Variants in CEP295 observed in about 807,000 individuals in gnomAD.
CEP295 encodes centrosomal protein 295.
Under a neutral mutation model 291.6 loss-of-function variants are expected in CEP295, and 190 were observed. The ratio of observed to expected loss-of-function variants is 0.65; its 90% CI spans 0.58 to 0.73. The LOEUF (loss-of-function observed/expected upper bound fraction) is 0.73, where lower values mean the gene tolerates loss of function less well. CEP295 is among the 30% of genes least tolerant of loss of function. The pLI is 0.00. For synonymous variants in CEP295, 993 were observed against 1,038.8 expected (o/e 0.96, Z 0.85); for missense variants, 2,863 against 2,949.4 (o/e 0.97, Z 0.68).
At chr11:93,703,597 T>G (rs1368930558) in intron 17 of CEP295, among the ~76,000 whole-genome samples, 1 of 151,682 alleles carries the variant, frequency 6.6e-6, no homozygotes, top group East Asian at 1.9e-4. Flanking sequence ...TCTCTTTTCC[T>G]TTGTCACTTT....
chr11:93,665,531 AC>A (rs1437440886), intron 1 of CEP295, among the ~76,000 whole-genome samples: 2 of 152,022 alleles, frequency 1.3e-5, no homozygotes, highest in African/African-American at 4.8e-5. Flanking sequence ...AACATGGTGA[AC>A]CCCTGTCTCT....
At chr11:93,704,709 T>C (rs1047281469) in intron 17 of CEP295, among the ~76,000 whole-genome samples, 1 of 152,206 alleles carries the variant, frequency 6.6e-6, no homozygotes, top group African/African-American at 2.4e-5. Context: ...TCATGAAGTC[T>C]TGGTCTCATC....
chr11:93,690,672 G>A (rs1451073364), intron 10 of CEP295, among the ~76,000 whole-genome samples: 6 of 141,392 alleles, frequency 4.2e-5, no homozygotes, highest in Non-Finnish European at 9.0e-5. Context: ...AGAGCTTGCA[G>A]TGAGCTGAGA....
chr11:93,723,277 A>G lies in CEP295; in HGVS notation c.6184A>G (p.Thr2062Ala). 1 of 1,510,006 alleles carries G rather than the reference A, an allele frequency of 6.6e-7. No individual in the cohort carries two copies. The highest frequency in any genetic ancestry group is 8.9e-7 in the Non-Finnish European group (1 of 1,121,158). 93.5% of individuals were successfully genotyped at this position (1,510,006 alleles called of 1,614,324 possible). The change falls in exon 21 of 30, where the codon ACA becomes GCA. Residue 2062 changes from threonine (T) to alanine (A), a missense_variant. Thr to Ala is a moderately conservative substitution (Grantham distance 58). This residue lies in a region of CEP295 where 2,295 missense variants were observed against 2,335.7 expected (regional missense o/e 0.98). Transcript: ENST00000325212. ...TGAAGCAAATTTGATACCTGAAAAA[A>G]CAGATTTGCAAGGTAAAATTATTTT... ...INEANLIPEK[T>A]DLQELEHIFP... is the part of the protein sequence containing the mutation.
chr11:93,729,488 G>A lies in CEP295; in HGVS notation c.7357G>A (p.Val2453Ile). The A allele has an allele frequency of 6.4e-7, 1 of 1,551,918 alleles. No homozygotes were observed. ...SATEASDYPA[V>I]SELSIEKPRT... ...AACAGAAGCCTCAGATTATCCAGCT[G>A]TATCAGAACTTTCCATAGAAAAACC... The change falls in exon 26 of 30, where the codon GTA (valine) becomes ATA (isoleucine). Residue 2453 changes from valine to isoleucine, a missense_variant. Transcript: ENST00000325212.
At chr11:93,710,987 C>T (rs1952854976) in intron 18 of CEP295, among the ~76,000 whole-genome samples, 2 of 151,270 alleles carry the variant, frequency 1.3e-5, no homozygotes, top group Admixed American at 1.3e-4. Context: ...TTATTTGGAC[C>T]TTCTTTTTTT....
intron 10 of CEP295, 79 bp from the exon 11 acceptor site, chr11:93,691,604 A>T: frequency 1.1e-6 from 1 of 887,700 alleles, no homozygotes; most frequent in South Asian, 1.5e-5. Flanking sequence ...TGAATGTGTT[A>T]ATACCAGAAT....
In CEP295 at chr11:93,696,680, A is replaced by T; in HGVS notation, c.1770-2A>T. 1 of 1,524,124 alleles carries T rather than the reference A, an allele frequency of 6.6e-7. No homozygotes were observed. The highest frequency in any genetic ancestry group is 8.8e-7 in the Non-Finnish European group (1 of 1,136,282). 94.4% of individuals were successfully genotyped at this position (1,524,124 alleles called of 1,614,324 possible). A position where few individuals can be genotyped will look rare whatever the true frequency, so the allele number is the denominator to read the frequency against. ...ATAATTGTTTGCTTTTGTTTTTGGTAGGTTACACAGGCAGTCTGTTGAAAC... is the reference window on the plus strand; with the variant it reads ...ATAATTGTTTGCTTTTGTTTTTGGTTGGTTACACAGGCAGTCTGTTGAAAC... On this transcript the variant is annotated splice_acceptor_variant, in intron 14 of 29. Transcript: ENST00000325212. LOFTEE classifies it high-confidence loss of function.
chr11:93,689,999 G>A (rs900889072), intron 10 of CEP295, among the ~76,000 whole-genome samples: 6 of 152,202 alleles, frequency 3.9e-5, no homozygotes, highest in African/African-American at 1.4e-4. Context: ...CTAGAAGATG[G>A]CTAGAGAAAG....
At chr11:93,724,672 T>C (rs776853857) in intron 22 of CEP295, among the ~76,000 whole-genome samples, 9 of 150,396 alleles carry the variant, frequency 6.0e-5, no homozygotes, top group Non-Finnish European at 8.9e-5. Context: ...GAGGCTGAGG[T>C]GGGAGGACCA....
In CEP295 at chr11:93,700,426, CT is replaced by C. The variant is rs11410177; in HGVS notation, c.5274+257del. ...TTTTTTAAATTTTCTTTTGTTTTTGCTTTTTTTTTTTTTTTTTGAGACAAGG... is the reference window on the plus strand; with the variant it reads ...TTTTTTAAATTTTCTTTTGTTTTTGCTTTTTTTTTTTTTTTTGAGACAAGG... On this transcript the variant is annotated intron_variant, in intron 15 of 29. Transcript: ENST00000325212. Among the ~76,000 whole-genome samples the C allele has an allele frequency of 8.8e-3, 1,142 of 129,322 alleles. 7 individuals are homozygous for C. Among genetic ancestry groups the C allele is most frequent in the East Asian group, 0.051 (237 of 4,606 alleles). The allele number at this position is 129,322 out of a possible 152,430, so 84.8% of individuals were successfully genotyped here.
At chr11:93,729,180 C>T in intron 25 of CEP295, 1 of 540,430 alleles carries the variant, frequency 1.9e-6, no homozygotes, top group East Asian at 2.9e-5. Context: ...AAGAATAAAG[C>T]TATCTAAACA....
chr11:93,727,467 G>T lies in CEP295; in HGVS notation c.6991G>T (p.Gly2331Ter). ...SRLCVRTVEM[G>*]TSIQAPYSLT... ...ATTATGTGTAAGAACAGTGGAGATGGGAACTTCAATTCAGGCACCATATTC... is the reference window on the plus strand; with the variant it reads ...ATTATGTGTAAGAACAGTGGAGATGTGAACTTCAATTCAGGCACCATATTC... Residue 2331 changes from glycine (G) to a stop codon, truncating the protein, a stop_gained, in exon 24 of 30, where the codon GGA becomes TGA. Coordinates refer to ENST00000325212, the MANE Select transcript of CEP295 (RefSeq NM_033395.2). LOFTEE classifies it high-confidence loss of function. 6.4e-7 allele frequency: 1 copy of T among 1,551,910 alleles called. No homozygotes were observed. The highest frequency in any genetic ancestry group is 8.7e-7 in the Non-Finnish European group (1 of 1,147,014).
rs893869065 is a variant in CEP295, at chr11:93,689,481, C to T, written c.1336+1616C>T. Among the ~76,000 whole-genome samples, 14 of 152,154 alleles carry T rather than the reference C, an allele frequency of 9.2e-5. No homozygotes were observed. In the East Asian group the frequency reaches 1.2e-3, roughly 13 times the overall value. On this transcript the variant is annotated intron_variant, in intron 10 of 29. Coordinates refer to ENST00000325212, the MANE Select transcript of CEP295 (RefSeq NM_033395.2). Reference sequence around the variant, plus strand: ...GCAATTGCTAATCTTTTTGACTAGACTTCTCTTTTTCTTGGGTATTTCCTT... The same window carrying T: ...GCAATTGCTAATCTTTTTGACTAGATTTCTCTTTTTCTTGGGTATTTCCTT...
At position 93,675,559 on chromosome 11, in the gene CEP295, TCTC is replaced by T. The variant is rs1351682430; in HGVS notation, c.529-11_529-9del. On this transcript the variant is annotated splice_polypyrimidine_tract_variant and intron_variant, in intron 5 of 29. Transcript: ENST00000325212. ...ATGCTTTTAACCTATTTTTTTATGT[TCTC>T]TTTTCCAGAACATCGAAGTAAAAAG... 1.4e-6 allele frequency: 2 copies of T among 1,386,036 alleles called. No homozygotes were observed. The highest frequency in any genetic ancestry group is 1.9e-6 in the Non-Finnish European group (2 of 1,036,742). 85.9% of individuals were successfully genotyped at this position (1,386,036 alleles called of 1,614,324 possible). A position where few individuals can be genotyped will look rare whatever the true frequency, so the allele number is the denominator to read the frequency against.
chr11:93,720,993 A>AC (rs1239634447), intron 18 of CEP295, among the ~76,000 whole-genome samples: 4 of 152,134 alleles, frequency 2.6e-5, no homozygotes, highest in African/African-American at 9.7e-5. Flanking sequence ...TCCACTTAAA[A>AC]CAGTGGCAAA....
At chr11:93,717,245 C>T (rs931135884) in intron 18 of CEP295, among the ~76,000 whole-genome samples, 6 of 152,154 alleles carry the variant, frequency 3.9e-5, no homozygotes, top group African/African-American at 1.4e-4. Flanking sequence ...CTTGCTCCAC[C>T]CCTACCCGCT....
chr11:93,699,471 G>C lies in CEP295; in HGVS notation c.4559G>C (p.Arg1520Pro). Residue 1520 changes from arginine (R) to proline (P), a missense_variant, in exon 15 of 30, where the codon CGA becomes CCA. By Grantham distance (103) the Arg-to-Pro change is moderately radical (BLOSUM62 -2). This residue lies in a region of CEP295 where 2,295 missense variants were observed against 2,335.7 expected (regional missense o/e 0.98). Transcript: ENST00000325212. ...QQLDTQKKAI[R>P]SIQEVQEELL... is the part of the protein sequence containing the mutation. ...TTAGATACACAGAAGAAAGCCATTC[G>C]ATCTATACAGGAAGTCCAAGAAGAA... 6.4e-7 allele frequency: 1 copy of C among 1,551,676 alleles called. No homozygotes were observed.
chr11:93,728,871 G>T (rs1937823485), intron 25 of CEP295, 50 bp downstream of exon 25: 1 of 1,470,316 alleles, frequency 6.8e-7, no homozygotes, highest in Non-Finnish European at 9.1e-7. Flanking sequence ...CAAACCAGTT[G>T]ATTTGTCTCT....
Sources: gnomAD v4.1 joint callset for allele counts (sites outside exome capture counted in the v4.1 genomes callset) on GRCh38, gnomAD v4.1.1 for gene constraint, gnomAD v4.1.1 regional missense constraint, MANE v1.5 for transcripts, NCBI Gene and HGNC (gene_info 2026-07-23, HGNC 2026-07-21) for gene names.